Variants in ZMAT1 observed in about 807,000 individuals in gnomAD.
ZMAT1 encodes zinc finger matrin-type protein 1.
Under a neutral mutation model 18.5 loss-of-function variants are expected in ZMAT1, and 11 were observed. The observed-to-expected ratio is 0.59, with a 90% CI of 0.37 to 0.98. The LOEUF (loss-of-function observed/expected upper bound fraction) is 0.98. Among genes scored for constraint, ZMAT1 ranks in the 50% least tolerant of loss-of-function variants. The pLI is 0.01. For missense variants in ZMAT1, 525 were observed against 496.2 expected (o/e 1.06, Z -0.55); for synonymous variants, 211 against 176.4 (o/e 1.20, Z -1.55).
In ZMAT1 at chrX:101,882,750, A is replaced by G. The variant is rs370473362; in HGVS notation, c.*760T>C. 27 of 111,656 alleles carry G rather than the reference A, an allele frequency of 2.4e-4. 3 individuals are homozygous for G. The highest frequency in any genetic ancestry group is 2.0e-3 in the East Asian group (7 of 3,574). 9.2% of individuals were successfully genotyped at this position (111,656 alleles called of 1,213,427 possible). A position where few individuals can be genotyped will look rare whatever the true frequency, so the allele number is the denominator to read the frequency against. Reference sequence around the variant, plus strand: ...TTAATAATTTTTTTTCTTTTTTAAGAAAATGAAGGAAAGTAACTTGAGGAA... The same window carrying G: ...TTAATAATTTTTTTTCTTTTTTAAGGAAATGAAGGAAAGTAACTTGAGGAA... On this transcript the variant is annotated 3_prime_UTR_variant, in exon 6 of 6. Transcript: ENST00000651725.
intron 4 of ZMAT1, among the ~76,000 whole-genome samples, chrX:101,893,883 T>G (rs928704997): frequency 9.0e-6 from 1 of 111,397 alleles, no homozygotes; most frequent in African/African-American, 3.3e-5. Context: ...ATATGTAGTT[T>G]GCAGGTACTG....
At chrX:101,929,423 TTATATATATATATATATATATA>T (rs771032732) in intron 1 of ZMAT1, among the ~76,000 whole-genome samples, 1 of 71,309 alleles carries the variant, frequency 1.4e-5, no homozygotes, top group Non-Finnish European at 2.7e-5. Flanking sequence ...TAGAGAGAGA[TTATATATATATATATATATATA>T]TATATATATA....
At position 101,931,980 on chromosome X, in the gene ZMAT1, G is replaced by A; in HGVS notation, c.29C>T (p.Pro10Leu). The change falls in exon 1 of 6, where the codon CCG (proline) becomes CTG (leucine). Residue 10 changes from proline (P) to leucine (L), a missense_variant. By Grantham distance (98) the Pro-to-Leu change is moderately conservative (BLOSUM62 -3). Coordinates refer to ENST00000651725, the MANE Select transcript of ZMAT1 (RefSeq NM_001394560.1). ...CTGAGGGGAAGACTCCGCCGCCAGCGGGGTGACTGTGCTCGGCGCCGCCGC... is the reference window on the plus strand; with the variant it reads ...CTGAGGGGAAGACTCCGCCGCCAGCAGGGTGACTGTGCTCGGCGCCGCCGC... Reference protein sequence around the residue: MAAAPSTVTPLAAESSPQEA... With the variant: MAAAPSTVTLLAAESSPQEA... 3.9e-6 allele frequency: 3 copies of A among 771,565 alleles called. No individual in the cohort carries two copies. The highest frequency in any genetic ancestry group is 4.6e-6 in the Non-Finnish European group (3 of 650,829). 63.6% of individuals were successfully genotyped at this position (771,565 alleles called of 1,213,427 possible).
intron 1 of ZMAT1, among the ~76,000 whole-genome samples, chrX:101,904,617 T>C (rs2147628013): frequency 9.0e-6 from 1 of 111,134 alleles, no homozygotes; most frequent in Non-Finnish European, 1.9e-5. Context: ...ATGGAATGAC[T>C]TGGGACACCA....
At chrX:101,887,328 A>G (rs1163710633) in intron 4 of ZMAT1, 8 of 658,082 alleles carry the variant, frequency 1.2e-5, no homozygotes, top group Non-Finnish European at 1.4e-5. Context: ...ACTAGTTACC[A>G]CTTCAAAAGA....
chrX:101,905,651 G>C (rs950554165), intron 1 of ZMAT1, among the ~76,000 whole-genome samples: 2 of 111,637 alleles, frequency 1.8e-5, no homozygotes, highest in South Asian at 7.4e-4. Flanking sequence ...TTTAAAAATG[G>C]TTAACTCTGG....
intron 1 of ZMAT1, among the ~76,000 whole-genome samples, chrX:101,922,446 T>G (rs1030967346): frequency 1.9e-5 from 2 of 107,975 alleles, no homozygotes; most frequent in Admixed American, 2.0e-4. Flanking sequence ...CAGGCTGGAG[T>G]GCAGTGGTGT....
rs747580182 is a variant in ZMAT1 at position 101,904,357 on chromosome X, A to T, written c.293-27T>A. The T allele has an allele frequency of 8.9e-6, 9 of 1,012,376 alleles. No homozygotes were observed. The African/African-American group carries it at 1.7e-4, about 19-fold the overall frequency. 83.4% of individuals were successfully genotyped at this position (1,012,376 alleles called of 1,213,427 possible). ...TGTGAATAAAAAAGGGAAGACAAAT[A>T]TATCACATTAATAAATATTTAGAGG... On this transcript the variant is annotated intron_variant, in intron 1 of 5. Transcript: ENST00000651725.
At chrX:101,897,053 G>A (rs1424234488) in intron 4 of ZMAT1, among the ~76,000 whole-genome samples, 1 of 109,348 alleles carries the variant, frequency 9.1e-6, no homozygotes, top group Non-Finnish European at 1.9e-5. Flanking sequence ...ACTACATTAT[G>A]GTGAAGACAT....
At chrX:101,929,754 G>A (rs1255995392) in intron 1 of ZMAT1, among the ~76,000 whole-genome samples, 2 of 110,865 alleles carry the variant, frequency 1.8e-5, no homozygotes, top group African/African-American at 6.5e-5. Context: ...ATCAGAAAAG[G>A]TTTCTTACGA....
chrX:101,908,917 T>C (rs1955579691), intron 1 of ZMAT1, among the ~76,000 whole-genome samples: 1 of 110,179 alleles, frequency 9.1e-6, no homozygotes, highest in South Asian at 3.9e-4. Context: ...GCACATGACA[T>C]ACTGAGACAC....
intron 1 of ZMAT1, chrX:101,911,570 C>CCTAT (rs1231379742): frequency 8.7e-7 from 1 of 1,147,511 alleles, no homozygotes; most frequent in Non-Finnish European, 1.2e-6. Context: ...GGGGAGAAGC[C>CCTAT]CTATGAATGC....
intron 4 of ZMAT1, among the ~76,000 whole-genome samples, chrX:101,895,653 T>G (rs1239318947): frequency 2.8e-5 from 3 of 106,869 alleles, no homozygotes; most frequent in Non-Finnish European, 5.8e-5. Context: ...AATGTCTCCC[T>G]GGCTTCATTT....
At chrX:101,918,046 G>C (rs1403105870) in intron 1 of ZMAT1, among the ~76,000 whole-genome samples, 2 of 111,834 alleles carry the variant, frequency 1.8e-5, no homozygotes, top group Non-Finnish European at 3.8e-5. Flanking sequence ...GAATAGTAGT[G>C]GGGGGTTGGT....
intron 1 of ZMAT1, among the ~76,000 whole-genome samples, chrX:101,906,457 G>A (rs1928629408): frequency 9.1e-6 from 1 of 109,563 alleles, no homozygotes; most frequent in African/African-American, 3.3e-5. Flanking sequence ...CAAGAGGCTG[G>A]TACCCACAGA....
At chrX:101,902,341 G>A (rs181510295) in intron 2 of ZMAT1, among the ~76,000 whole-genome samples, 32 of 111,295 alleles carry the variant, frequency 2.9e-4, no homozygotes, top group Admixed American at 2.6e-3. Flanking sequence ...CGAATCCTTC[G>A]TTAGTTATAT....
intron 1 of ZMAT1, among the ~76,000 whole-genome samples, chrX:101,929,426 TATATA>T (rs1569443986): frequency 3.0e-4 from 2 of 6,653 alleles, no homozygotes; most frequent in East Asian, 1.0e-3. Flanking sequence ...AGAGAGATTA[TATATA>T]TATATATATA....
In ZMAT1 at chrX:101,884,041, C is replaced by T. The variant is rs1194489677; in HGVS notation, c.1557G>A (p.Val519=). The T allele has an allele frequency of 8.3e-7, 1 of 1,208,319 alleles. No individual in the cohort carries two copies. The highest frequency in any genetic ancestry group is 1.8e-5 in the African/African-American group (1 of 57,057). Residue 519 remains valine, a synonymous_variant, in exon 6 of 6, where the codon GTG becomes GTA. Transcript: ENST00000651725. The part of the protein sequence containing the change: ...YSGPYSISQV[V]ENQLPHCLPA... ...GTAAGCAATGAGGTAACTGGTTTTC[C>T]ACTACTTGTGAAATACTATATGGTC...
intron 4 of ZMAT1, chrX:101,887,209 G>T: frequency 6.7e-6 from 5 of 746,900 alleles, no homozygotes; most frequent in Non-Finnish European, 7.9e-6. Context: ...TGAGATCACT[G>T]CAGTGCCTTA....
Sources: gnomAD v4.1 joint callset for allele counts (sites outside exome capture counted in the v4.1 genomes callset) on GRCh38, gnomAD v4.1.1 for gene constraint, MANE v1.5 for transcripts, NCBI Gene and HGNC (gene_info 2026-07-23, HGNC 2026-07-21) for gene names.